UNC79: variants seen among roughly 807,000 people sequenced by gnomAD.
UNC79 encodes protein unc-79 homolog.
In UNC79, 37 loss-of-function variants were observed where a neutral mutation model predicts 283.1. That is an observed-to-expected ratio of 0.13 (90% CI 0.10 to 0.17). UNC79 has a LOEUF of 0.17. Ranked by LOEUF, UNC79 falls within the 10% of genes least tolerant of loss-of-function variation. UNC79 has a pLI of 1.00. For missense variants in UNC79, 2,272 were observed against 3,211.1 expected (o/e 0.71, Z 7.07); for synonymous variants, 1,107 against 1,200.2 (o/e 0.92, Z 1.61).
intron 1 of UNC79, among the ~76,000 whole-genome samples, chr14:93,404,493 A>AAATATATATATATATAT: frequency 1.1e-4 from 7 of 61,496 alleles, no homozygotes; most frequent in African/African-American, 4.7e-4. Flanking sequence ...TTCTAAAAAA[A>AAATATATATATATATAT]ATATATATAT....
chr14:93,548,243 G>A (rs1057380523), intron 14 of UNC79, among the ~76,000 whole-genome samples: 4 of 152,170 alleles, frequency 2.6e-5, no homozygotes, highest in African/African-American at 7.2e-5. Context: ...CTTTCTGGCA[G>A]TGTCCTTATG....
chr14:93,642,183 G>C (rs1014557389), intron 33 of UNC79, among the ~76,000 whole-genome samples: 1 of 152,120 alleles, frequency 6.6e-6, no homozygotes, highest in African/African-American at 2.4e-5. Context: ...CCAGCACTTT[G>C]GGAGGCTGAG....
At chr14:93,360,736 CAAG>C (rs1417040939) in intron 1 of UNC79, among the ~76,000 whole-genome samples, 1 of 152,190 alleles carries the variant, frequency 6.6e-6, no homozygotes, top group East Asian at 1.9e-4. Context: ...ATCCAGTGAG[CAAG>C]AAGTAGTAAA....
At chr14:93,372,059 A>G (rs1566898195) in intron 1 of UNC79, among the ~76,000 whole-genome samples, 1 of 152,260 alleles carries the variant, frequency 6.6e-6, no homozygotes, top group East Asian at 1.9e-4. Context: ...AGAAGTTAAA[A>G]GAAGTTCTTC....
chr14:93,634,771 C>A, intron 31 of UNC79, 134 bp downstream of exon 34: 1 of 789,284 alleles, frequency 1.3e-6, no homozygotes, highest in South Asian at 1.7e-5. Context: ...TCAAAACCAC[C>A]TAAGGTAATT....
chr14:93,519,674 G>A (rs2060230993), intron 7 of UNC79, among the ~76,000 whole-genome samples: 1 of 150,790 alleles, frequency 6.6e-6, no homozygotes, highest in Non-Finnish European at 1.5e-5. Flanking sequence ...ATTATTTTTA[G>A]TGTTATATTT....
intron 1 of UNC79, among the ~76,000 whole-genome samples, chr14:93,404,075 G>T (rs1281584292): frequency 6.6e-6 from 1 of 152,016 alleles, no homozygotes; most frequent in Non-Finnish European, 1.5e-5. Flanking sequence ...TGGTGTGCAA[G>T]AAATAATTGT....
chr14:93,625,143 C>T (rs2067462586), intron 30 of UNC79, among the ~76,000 whole-genome samples: 1 of 152,174 alleles, frequency 6.6e-6, no homozygotes, highest in Non-Finnish European at 1.5e-5. Flanking sequence ...TTTCCCTTGC[C>T]TTCTGAGTCT....
intron 45 of UNC79, 29 bp from the exon 49 acceptor site, chr14:93,691,720 T>C (rs1227792837): frequency 6.2e-7 from 1 of 1,612,004 alleles, no homozygotes; most frequent in Non-Finnish European, 8.5e-7. Flanking sequence ...TGGGATGCAA[T>C]GCACTGATGC....
At position 93,474,359 on chromosome 14, in the gene UNC79, G is replaced by A. The variant is rs2057680987; in HGVS notation, c.414G>A (p.Leu138=). Residue 138 remains leucine (L), a synonymous_variant, in exon 3 of 49, where the codon CTG becomes CTA. Coordinates refer to ENST00000555664, the Ensembl canonical transcript of UNC79. The surrounding 1 kb of genome is among the most constrained non-coding windows in gnomAD (Gnocchi z 4.1). ...TCTACGTGACTTTGGTGACCCTCCT[G>A]GATCTAGTTCCTTTACTACAGCACG... The A allele has an allele frequency of 6.5e-7, 1 of 1,535,900 alleles. No individual in the cohort carries two copies. The highest frequency in any genetic ancestry group is 8.7e-7 in the Non-Finnish European group (1 of 1,146,810).
chr14:93,612,618 C>A (rs557743588), intron 26 of UNC79, among the ~76,000 whole-genome samples, 179 bp from the exon 28 acceptor site: 1 of 152,312 alleles, frequency 6.6e-6, no homozygotes, highest in East Asian at 1.9e-4. Context: ...AACTTTCACC[C>A]CTGGACTAGG....
intron 1 of UNC79, among the ~76,000 whole-genome samples, chr14:93,398,720 G>T (rs1467372106): frequency 6.6e-6 from 1 of 152,154 alleles, no homozygotes; most frequent in East Asian, 1.9e-4. Flanking sequence ...AACACAGAAG[G>T]GTTTTAGAGA....
At chr14:93,349,088 A>T (rs1014748976) in intron 1 of UNC79, among the ~76,000 whole-genome samples, 1 of 152,324 alleles carries the variant, frequency 6.6e-6, no homozygotes, top group East Asian at 1.9e-4. Context: ...CCACGAACCC[A>T]CCAGAAGGAA....
chr14:93,690,979 G>A lies in UNC79; in HGVS notation c.7272+676G>A, dbSNP rs188163592. ...CACATTGGTCTTGGGGACAGCTCGG[G>A]TTTGGGACAGGGCAAGCTGACGATG... On this transcript the variant is annotated intron_variant, in intron 45 of 48. Coordinates refer to ENST00000555664, the Ensembl canonical transcript of UNC79. The surrounding 1 kb of genome is among the most constrained non-coding windows in gnomAD (Gnocchi z 4.3). The A allele has an allele frequency of 6.5e-6, 1 of 153,290 alleles. No homozygotes were observed. Among genetic ancestry groups the A allele is most frequent in the Non-Finnish European group, 1.5e-5 (1 of 68,864 alleles). The allele number at this position is 153,290 out of a possible 1,614,324, so 9.5% of individuals were successfully genotyped here.
At chr14:93,537,631 T>C (rs568726268) in intron 11 of UNC79, among the ~76,000 whole-genome samples, 1 of 152,326 alleles carries the variant, frequency 6.6e-6, no homozygotes, top group South Asian at 2.1e-4. Context: ...CATGGTTCTG[T>C]TTTTTTCTTT....
At chr14:93,368,917 T>G (rs1261082972) in intron 1 of UNC79, among the ~76,000 whole-genome samples, 4 of 152,234 alleles carry the variant, frequency 2.6e-5, no homozygotes, top group African/African-American at 4.8e-5. Context: ...AATCCAGATT[T>G]CACCAAAAGT....
intron 40 of UNC79, among the ~76,000 whole-genome samples, chr14:93,670,206 C>T (rs1869095252): frequency 6.6e-6 from 1 of 152,112 alleles, no homozygotes; most frequent in African/African-American, 2.4e-5. Context: ...TTTCTTCCCA[C>T]CAAAAAGCAA....
intron 1 of UNC79, among the ~76,000 whole-genome samples, chr14:93,372,575 A>G (rs771781979): frequency 2.0e-5 from 3 of 152,228 alleles, no homozygotes; most frequent in Non-Finnish European, 4.4e-5. Context: ...CTCAGGAGAA[A>G]TTTGTGCATT....
chr14:93,493,661 T>C (rs1021063628), intron 5 of UNC79, among the ~76,000 whole-genome samples: 3 of 151,966 alleles, frequency 2.0e-5, no homozygotes, highest in Non-Finnish European at 4.4e-5. Context: ...CATATTAGTT[T>C]GTTGTTGCAC....
Sources: allele counts gnomAD v4.1 joint callset (sites outside exome capture counted in the v4.1 genomes callset), GRCh38; gene constraint gnomAD v4.1.1; non-coding constraint Gnocchi (gnomAD v3.1); transcripts MANE v1.5; gene names NCBI Gene and HGNC (gene_info 2026-07-23, HGNC 2026-07-21).